The following C12orf42 variants were observed in gnomAD, a reference collection of about 807,000 sequenced individuals.
C12orf42 encodes uncharacterized protein C12orf42.
A neutral mutation model predicts 21.6 loss-of-function variants in C12orf42; 25 were observed. That is an observed-to-expected ratio of 1.16 (90% CI 0.84 to 1.62). The LOEUF is 1.62. Ranked by LOEUF, C12orf42 falls within the 40% of genes most tolerant of loss-of-function variation. The pLI is 0.00. For synonymous variants in C12orf42, 174 were observed against 175.0 expected (o/e 0.99, Z 0.05); for missense variants, 483 against 459.3 (o/e 1.05, Z -0.47).
chr12:103,106,485 G>T, the C12orf42 span, among the ~76,000 whole-genome samples: 1 of 151,790 alleles, frequency 6.6e-6, no homozygotes, highest in African/African-American at 2.4e-5. Flanking sequence ...AAAAAAATAT[G>T]GAATTATAAT....
intron 4 of C12orf42, among the ~76,000 whole-genome samples, chr12:103,279,718 G>A (rs1212274227): frequency 2.6e-5 from 4 of 152,192 alleles, no homozygotes; most frequent in Admixed American, 1.3e-4. Context: ...TTCCTGAAAC[G>A]CTAGCTTGAA....
At chr12:103,158,547 T>C in the C12orf42 span, among the ~76,000 whole-genome samples, 1 of 152,130 alleles carries the variant, frequency 6.6e-6, no homozygotes, top group Non-Finnish European at 1.5e-5. Context: ...TGAAAATGTA[T>C]TGGAGATTCA....
the C12orf42 span, among the ~76,000 whole-genome samples, chr12:103,197,408 A>G: frequency 2.6e-5 from 4 of 152,306 alleles, no homozygotes; most frequent in South Asian, 6.2e-4. Context: ...TTAGCTTTTT[A>G]AGACCAGTTT....
At chr12:103,251,558 C>T (rs2034305093) in intron 10 of C12orf42, among the ~76,000 whole-genome samples, 1 of 152,160 alleles carries the variant, frequency 6.6e-6, no homozygotes, top group Admixed American at 6.6e-5. Flanking sequence ...ACATCTCCCA[C>T]TATACGTTCT....
chr12:103,196,064 A>G, the C12orf42 span, among the ~76,000 whole-genome samples: 1 of 152,110 alleles, frequency 6.6e-6, no homozygotes, highest in African/African-American at 2.4e-5. Flanking sequence ...TGATATGGGC[A>G]TTTAGTGCTA....
intron 2 of C12orf42, among the ~76,000 whole-genome samples, chr12:103,450,092 A>T (rs1186895800): frequency 2.0e-5 from 3 of 152,024 alleles, no homozygotes; most frequent in Non-Finnish European, 4.4e-5. Flanking sequence ...AGGTATTTAG[A>T]TTAAATATAT....
At chr12:103,065,461 T>C in the C12orf42 span, among the ~76,000 whole-genome samples, 1 of 152,206 alleles carries the variant, frequency 6.6e-6, no homozygotes, top group South Asian at 2.1e-4. Context: ...CTGTCCTACC[T>C]CAGGGGTATA....
chr12:103,361,053 A>G (rs1197056711), intron 4 of C12orf42, among the ~76,000 whole-genome samples: 1 of 152,122 alleles, frequency 6.6e-6, no homozygotes, highest in Non-Finnish European at 1.5e-5. Context: ...TCACTGGGAC[A>G]GACAGAGCAG....
chr12:103,505,500 C>G, the C12orf42 span: 2 of 389,754 alleles, frequency 5.1e-6, no homozygotes, highest in South Asian at 4.2e-5. Flanking sequence ...GTAGGGACGG[C>G]ATTTACTGGT....
intron 4 of C12orf42, among the ~76,000 whole-genome samples, chr12:103,337,823 A>G (rs2041838485): frequency 6.6e-6 from 1 of 151,740 alleles, no homozygotes; most frequent in Non-Finnish European, 1.5e-5. Flanking sequence ...TCCAGTATGA[A>G]CCCCTTCACA....
rs116193152 is a variant in C12orf42, at chr12:103,419,002, T to A, written c.79-17327A>T. Among the ~76,000 whole-genome samples the A allele has an allele frequency of 7.0e-3, 1,062 of 152,146 alleles. 14 individuals carry two copies. The highest frequency in any genetic ancestry group is 0.023 in the African/African-American group (965 of 41,494). ...CTGTACTAGAGGGGAAAAATCTAAG[T>A]CAGTCTTGGGATATCATGGGAAGCT... On this transcript the variant is annotated intron_variant, in intron 2 of 5. Coordinates refer to ENST00000548883, the MANE Select transcript of C12orf42 (RefSeq NM_198521.5).
rs74671924 is a variant in C12orf42, at chr12:103,368,302, T to G, written c.259+585A>C. On this transcript the variant is annotated intron_variant, in intron 4 of 5. Coordinates refer to ENST00000548883, the MANE Select transcript of C12orf42 (RefSeq NM_198521.5). ...TCTCTTTATCTGCCTTTCTCTCTCT[T>G]TCTGTCTCTCTCTCTCACACACACA... 1.6e-3 allele frequency among the ~76,000 whole-genome samples: 205 copies of G among 128,858 alleles called. 2 individuals are homozygous for G. The highest frequency in any genetic ancestry group is 6.1e-3 in the African/African-American group (188 of 30,636). The allele number at this position is 128,858 out of a possible 152,430, so 84.5% of individuals were successfully genotyped here. A position where few individuals can be genotyped will look rare whatever the true frequency, so the allele number is the denominator to read the frequency against.
At chr12:103,396,940 T>C (rs116084932) in intron 3 of C12orf42, among the ~76,000 whole-genome samples, 2,747 of 152,310 alleles carry the variant, frequency 0.018, 66 homozygotes, top group African/African-American at 0.057. Context: ...GATCTGTTTA[T>C]ATTTTTGGAA....
intron 10 of C12orf42, among the ~76,000 whole-genome samples, chr12:103,252,117 C>T: frequency 6.6e-6 from 1 of 151,936 alleles, no homozygotes; most frequent in East Asian, 1.9e-4. Flanking sequence ...CTCTCTCTCC[C>T]CCCAAAAATT....
the C12orf42 span, among the ~76,000 whole-genome samples, chr12:103,124,772 C>G: frequency 6.6e-6 from 1 of 151,992 alleles, no homozygotes; most frequent in South Asian, 2.1e-4. Flanking sequence ...ATAAACAGAC[C>G]CTGCTATCAG....
chr12:103,294,542 C>CAAGAAAGA (rs768785822), intron 4 of C12orf42, among the ~76,000 whole-genome samples: 9 of 75,772 alleles, frequency 1.2e-4, no homozygotes, highest in Middle Eastern at 0.02. Flanking sequence ...AGCAAGCAAG[C>CAAGAAAGA]AAGAAAGAAA....
At chr12:103,497,864 T>C (rs1955606994), upstream of C12orf42, among the ~76,000 whole-genome samples, 1 of 152,026 alleles carries the variant, frequency 6.6e-6, no homozygotes, top group African/African-American at 2.4e-5. Flanking sequence ...ATCCCGTCTC[T>C]ACTAAAACAA....
chr12:103,437,652 T>C (rs1950842008), intron 2 of C12orf42, among the ~76,000 whole-genome samples: 1 of 151,910 alleles, frequency 6.6e-6, no homozygotes, highest in East Asian at 1.9e-4. Context: ...CTAGAAAATC[T>C]AGAAGAAATG....
At chr12:103,495,658 T>TGG (rs1955496649) in intron 1 of C12orf42, 1 of 77,124 alleles carries the variant, frequency 1.3e-5, no homozygotes, top group Non-Finnish European at 2.8e-5. Context: ...GGCGGCGAGG[T>TGG]GGGGGTTGGG....
Sources: allele counts gnomAD v4.1 joint callset (sites outside exome capture counted in the v4.1 genomes callset), GRCh38; gene constraint gnomAD v4.1.1; transcripts MANE v1.5; gene names NCBI Gene and HGNC (gene_info 2026-07-23, HGNC 2026-07-21).